SGCZ: variants seen among roughly 807,000 people sequenced by gnomAD.
The protein encoded by SGCZ is sarcoglycan zeta.
Under a neutral mutation model 41.3 loss-of-function variants are expected in SGCZ, and 40 were observed. That is an observed-to-expected ratio of 0.97 (90% CI 0.75 to 1.26). The LOEUF (loss-of-function observed/expected upper bound fraction) is 1.26, where lower values mean the gene tolerates loss of function less well. Among genes scored for constraint, SGCZ ranks in the 50% most tolerant of loss-of-function variants. The probability of loss-of-function intolerance (pLI) is 0.00; values close to 1 mark genes in which losing one functional copy is unlikely to be tolerated. For synonymous variants in SGCZ, 206 were observed against 137.5 expected (o/e 1.50, Z -3.49); for missense variants, 552 against 369.8 (o/e 1.49, Z -4.04).
chr8:14,145,892 ACAGT>A (rs1803507053), intron 5 of SGCZ, among the ~76,000 whole-genome samples: 1 of 152,180 alleles, frequency 6.6e-6, no homozygotes, highest in African/African-American at 2.4e-5. Flanking sequence ...TTGAAAATAC[ACAGT>A]CAGAGGAGGC....
intron 2 of SGCZ, among the ~76,000 whole-genome samples, chr8:14,494,692 T>C (rs1201084525): frequency 1.3e-5 from 2 of 152,186 alleles, no homozygotes; most frequent in Admixed American, 6.5e-5. Context: ...AACAACGTTG[T>C]TGCTGAAAGA....
chr8:15,064,295 C>T (rs1029684161), intron 1 of SGCZ, among the ~76,000 whole-genome samples: 1 of 152,124 alleles, frequency 6.6e-6, no homozygotes, highest in African/African-American at 2.4e-5. Flanking sequence ...AGGTCTCTAG[C>T]ATGCCATATC....
chr8:14,231,557 T>G (rs1177955245), intron 4 of SGCZ, among the ~76,000 whole-genome samples: 1 of 111,768 alleles, frequency 8.9e-6, no homozygotes. Flanking sequence ...TAAGTCTAGA[T>G]TTTTTTTTTC....
intron 2 of SGCZ, among the ~76,000 whole-genome samples, chr8:14,413,013 T>A (rs1354454718): frequency 8.6e-5 from 13 of 152,004 alleles, no homozygotes; most frequent in Non-Finnish European, 1.9e-4. Context: ...AGGACAACAG[T>A]TAGATTTTGC....
chr8:14,474,453 T>C (rs1192680110), intron 2 of SGCZ, among the ~76,000 whole-genome samples: 1 of 152,184 alleles, frequency 6.6e-6, no homozygotes, highest in African/African-American at 2.4e-5. Context: ...TAAAAATTAG[T>C]TCTTAAACCT....
At chr8:14,570,626 T>C (rs1386554477) in intron 1 of SGCZ, among the ~76,000 whole-genome samples, 1 of 152,182 alleles carries the variant, frequency 6.6e-6, no homozygotes, top group African/African-American at 2.4e-5. Flanking sequence ...CTGAAGGAAA[T>C]TGATAGCTTT....
At chr8:14,764,708 G>C (rs976081697) in intron 1 of SGCZ, among the ~76,000 whole-genome samples, 1 of 152,166 alleles carries the variant, frequency 6.6e-6, no homozygotes, top group Non-Finnish European at 1.5e-5. Context: ...CTTGTACCTT[G>C]ATTAGATCCT....
intron 1 of SGCZ, among the ~76,000 whole-genome samples, chr8:14,646,025 G>A (rs1186333911): frequency 6.6e-6 from 1 of 151,820 alleles, no homozygotes; most frequent in Non-Finnish European, 1.5e-5. Flanking sequence ...AAAGTAGCTT[G>A]TAGAGATAGT....
chr8:14,993,663 C>T (rs113192386), intron 1 of SGCZ, among the ~76,000 whole-genome samples: 133 of 152,124 alleles, frequency 8.7e-4, no homozygotes, highest in East Asian at 5.0e-3. Context: ...GAATTCTAGC[C>T]GGGGCAGTGA....
intron 2 of SGCZ, among the ~76,000 whole-genome samples, chr8:14,447,475 C>G (rs552145863): frequency 7.4e-4 from 112 of 152,132 alleles, no homozygotes; most frequent in African/African-American, 2.5e-3. Context: ...AATTAAATCA[C>G]TAATAATGAA....
intron 5 of SGCZ, among the ~76,000 whole-genome samples, chr8:14,143,439 T>C (rs1183284297): frequency 6.6e-6 from 1 of 152,232 alleles, no homozygotes; most frequent in African/African-American, 2.4e-5. Context: ...TGAAAACAAT[T>C]TTCTATAACT....
chr8:15,127,552 A>G (rs1301532350), intron 1 of SGCZ, among the ~76,000 whole-genome samples: 1 of 152,200 alleles, frequency 6.6e-6, no homozygotes, highest in Non-Finnish European at 1.5e-5. Context: ...AATTTTTACA[A>G]ATATTCTTGT....
At chr8:14,642,486 T>C (rs1177532040) in intron 1 of SGCZ, among the ~76,000 whole-genome samples, 1 of 151,446 alleles carries the variant, frequency 6.6e-6, no homozygotes, top group African/African-American at 2.4e-5. Context: ...TTACTATATG[T>C]AAGTTACAAT....
chr8:14,635,763 C>T (rs1252208241), intron 1 of SGCZ, among the ~76,000 whole-genome samples: 1 of 151,950 alleles, frequency 6.6e-6, no homozygotes, highest in East Asian at 1.9e-4. Context: ...CAGGCATGCA[C>T]AGAGGGTCTT....
chr8:14,773,632 T>C (rs7835470), intron 1 of SGCZ, among the ~76,000 whole-genome samples: 6,534 of 152,246 alleles, frequency 0.043, 467 homozygotes, highest in African/African-American at 0.15. Context: ...AAATTACTTC[T>C]CCTCTTCCTC....
chr8:15,231,610 CTTTTTTT>C (rs914572473), intron 1 of SGCZ, among the ~76,000 whole-genome samples: 983 of 71,996 alleles, frequency 0.014, 10 homozygotes, highest in African/African-American at 0.049. Context: ...TTAATATATT[CTTTTTTT>C]TTTTTTTTTT....
At chr8:15,097,904 A>G (rs1352064887) in intron 1 of SGCZ, among the ~76,000 whole-genome samples, 6 of 127,568 alleles carry the variant, frequency 4.7e-5, no homozygotes, top group Non-Finnish European at 8.3e-5. Context: ...ATATATATAT[A>G]TATATACGTG....
chr8:15,069,648 G>A (rs1805280883), intron 1 of SGCZ, among the ~76,000 whole-genome samples: 1 of 152,092 alleles, frequency 6.6e-6, no homozygotes, highest in Non-Finnish European at 1.5e-5. Flanking sequence ...TCTTACTTTT[G>A]CTTACCGCAT....
intron 1 of SGCZ, among the ~76,000 whole-genome samples, chr8:15,198,344 T>G (rs1800795651): frequency 6.6e-6 from 1 of 151,954 alleles, no homozygotes; most frequent in South Asian, 2.1e-4. Context: ...AACATCAAAT[T>G]AAAAGTTTCT....
Sources: allele counts gnomAD v4.1 joint callset (sites outside exome capture counted in the v4.1 genomes callset), GRCh38; gene constraint gnomAD v4.1.1; transcripts MANE v1.5; gene names NCBI Gene and HGNC (gene_info 2026-07-23, HGNC 2026-07-21).